MED14: variants seen among roughly 807,000 people sequenced by gnomAD.
The protein encoded by MED14 is mediator complex subunit 14, also known as mediator of RNA polymerase II transcription subunit 14.
In MED14, 8 loss-of-function variants were observed where a neutral mutation model predicts 109.0. The observed-to-expected ratio is 0.07, with a 90% CI of 0.04 to 0.13. The LOEUF (loss-of-function observed/expected upper bound fraction) is 0.13. Ranked by LOEUF, MED14 falls within the 10% of genes least tolerant of loss-of-function variation. The pLI, the probability that MED14 is intolerant of heterozygous loss-of-function variation, is 1.00. For synonymous variants in MED14, 399 were observed against 408.7 expected (o/e 0.98, Z 0.29); for missense variants, 711 against 1,142.4 (o/e 0.62, Z 5.44).
chrX:40,723,483 C>T (rs987945294), intron 3 of MED14, among the ~76,000 whole-genome samples: 2 of 108,820 alleles, frequency 1.8e-5, no homozygotes, highest in African/African-American at 3.3e-5. Flanking sequence ...CCGGCCAACA[C>T]GGCGAAACCC....
chrX:40,704,895 G>T (rs908893573), intron 10 of MED14, among the ~76,000 whole-genome samples: 2 of 110,988 alleles, frequency 1.8e-5, no homozygotes, highest in African/African-American at 3.3e-5. Flanking sequence ...TTTGGATTTC[G>T]GATTTTCAGA....
At chrX:40,664,185 G>T in intron 25 of MED14, 122 bp downstream of exon 25, 2 of 621,137 alleles carry the variant, frequency 3.2e-6, no homozygotes, top group Non-Finnish European at 4.8e-6. Flanking sequence ...TGCATCCTTT[G>T]TAATATCCTT....
At position 40,710,003 on chromosome X, in the gene MED14, G is replaced by T; in HGVS notation, c.1149C>A (p.Ser383=). 8.5e-7 allele frequency: 1 copy of T among 1,181,199 alleles called. No individual in the cohort carries two copies. The highest frequency in any genetic ancestry group is 1.1e-6 in the Non-Finnish European group (1 of 877,744). Residue 383 remains serine (S), a synonymous_variant, in exon 9 of 31, where the codon TCC becomes TCA. Coordinates refer to ENST00000324817, the MANE Select transcript of MED14 (RefSeq NM_004229.4). ...CCTTCATGGCTCTTTCTACTAATTTGGAATCAGAAGCTGGCAAAGGAGGAT... is the reference window on the plus strand; with the variant it reads ...CCTTCATGGCTCTTTCTACTAATTTTGAATCAGAAGCTGGCAAAGGAGGAT... ...FHDPPLPASD[S]KLVERAMKID... is the part of the protein sequence containing the mutation.
At chrX:40,721,700 C>T (rs778823522) in intron 3 of MED14, among the ~76,000 whole-genome samples, 1 of 112,417 alleles carries the variant, frequency 8.9e-6, no homozygotes, top group Non-Finnish European at 1.9e-5. Flanking sequence ...TTGGGCAAGA[C>T]CCAGTGCTGT....
At chrX:40,657,314 A>G (rs1264663341) in intron 28 of MED14, among the ~76,000 whole-genome samples, 1 of 111,993 alleles carries the variant, frequency 8.9e-6, no homozygotes, top group Non-Finnish European at 1.9e-5. Context: ...ACGTAATCAA[A>G]TTAAGAGGAG....
At chrX:40,675,051 T>C (rs997324737) in intron 22 of MED14, among the ~76,000 whole-genome samples, 170 bp downstream of exon 22, 5 of 112,716 alleles carry the variant, frequency 4.4e-5, no homozygotes, top group African/African-American at 1.6e-4. Context: ...ATTCATTTCT[T>C]GTCACTGGAA....
intron 26 of MED14, among the ~76,000 whole-genome samples, chrX:40,662,537 A>G (rs1647783030): frequency 9.0e-6 from 1 of 111,481 alleles, no homozygotes; most frequent in African/African-American, 3.3e-5. Flanking sequence ...TTTTATTTCA[A>G]TAAAGACTCA....
chrX:40,726,526 C>A, intron 3 of MED14: 1 of 309,567 alleles, frequency 3.2e-6, no homozygotes. Context: ...TTAAAGTCTC[C>A]TCACGTAATG....
At chrX:40,716,061 A>G (rs1213509281) in intron 3 of MED14, among the ~76,000 whole-genome samples, 1 of 111,545 alleles carries the variant, frequency 9.0e-6, no homozygotes, top group African/African-American at 3.3e-5. Context: ...TCTCAAAAGA[A>G]GACATACAAA....
chrX:40,685,843 G>A (rs1329848721), intron 16 of MED14, among the ~76,000 whole-genome samples: 1 of 112,142 alleles, frequency 8.9e-6, no homozygotes, highest in African/African-American at 3.2e-5. Flanking sequence ...AACAAGAACA[G>A]AATGTATTTT....
intron 23 of MED14, among the ~76,000 whole-genome samples, chrX:40,670,685 C>T (rs1187000814): frequency 9.2e-6 from 1 of 109,276 alleles, no homozygotes; most frequent in Non-Finnish European, 1.9e-5. Context: ...GGCGTGAACC[C>T]GGGAAGCGGA....
chrX:40,662,083 C>G (rs953057569), intron 26 of MED14, among the ~76,000 whole-genome samples: 3 of 111,048 alleles, frequency 2.7e-5, no homozygotes, highest in African/African-American at 9.8e-5. Flanking sequence ...CCAGGCTGGT[C>G]TTGAACTCCT....
At position 40,664,418 on chromosome X, in the gene MED14, G is replaced by C; in HGVS notation, c.3337C>G (p.Pro1113Ala). Residue 1113 changes from proline (P) to alanine (A), a missense_variant, in exon 25 of 31, where the codon CCT (proline) becomes GCT (alanine). This residue lies in a region of MED14 where 100 missense variants were observed against 147.5 expected (regional missense o/e 0.68). Transcript: ENST00000324817. Reference protein sequence around the residue: ...SGRAGNWPGSPQVSGPSPAAR... With the variant: ...SGRAGNWPGSAQVSGPSPAAR... ...GCTGGTGAGGGGCCAGACACTTGAGGAGATCCTGGCCAGTTCCCTGCTCGT... is the reference window on the plus strand; with the variant it reads ...GCTGGTGAGGGGCCAGACACTTGAGCAGATCCTGGCCAGTTCCCTGCTCGT... 8.3e-7 allele frequency: 1 copy of C among 1,198,393 alleles called. No homozygotes were observed.
rs188325860 is a variant in MED14 at position 40,663,021 on chromosome X, G to A, written c.3588C>T (p.Pro1196=). The A allele has an allele frequency of 2.4e-5, 29 of 1,208,899 alleles. No homozygotes were observed. The highest frequency in any genetic ancestry group is 1.5e-4 in the Admixed American group (7 of 45,848). Residue 1196 remains proline, a synonymous_variant, in exon 26 of 31, where the codon CCC becomes CCT. Coordinates refer to ENST00000324817, the MANE Select transcript of MED14 (RefSeq NM_004229.4). ...AACAAAGGTAACTACCTGCCAGGCCGGGCACAAGGCCTGGAGTTGGAGAGG... is the reference window on the plus strand; with the variant it reads ...AACAAAGGTAACTACCTGCCAGGCCAGGCACAAGGCCTGGAGTTGGAGAGG... ...LLPSPTPGLV[P]GLAGSYLCSP...
intron 12 of MED14, among the ~76,000 whole-genome samples, chrX:40,698,493 T>A (rs1930804054): frequency 8.9e-6 from 1 of 112,561 alleles, no homozygotes; most frequent in African/African-American, 3.2e-5. Flanking sequence ...ACAGTTTCTA[T>A]AATTTTCTTT....
At chrX:40,731,535 GAAC>G (rs1429557648) in intron 1 of MED14, among the ~76,000 whole-genome samples, 1 of 111,606 alleles carries the variant, frequency 9.0e-6, no homozygotes, top group Non-Finnish European at 1.9e-5. Context: ...TGTGTATCAA[GAAC>G]AAAAATAACT....
intron 22 of MED14, among the ~76,000 whole-genome samples, chrX:40,672,985 C>T (rs1323286277): frequency 8.9e-6 from 1 of 112,164 alleles, no homozygotes; most frequent in Admixed American, 9.4e-5. Context: ...AGCTTATGCA[C>T]TAAAACTGCA....
chrX:40,669,689 T>C (rs775770164), intron 23 of MED14, among the ~76,000 whole-genome samples: 1 of 111,883 alleles, frequency 8.9e-6, no homozygotes, highest in South Asian at 3.7e-4. Context: ...AAGGCCAAAA[T>C]TGTTAACAGC....
chrX:40,735,150 G>A, intron 1 of MED14, 48 bp downstream of exon 1: 1 of 954,730 alleles, frequency 1.0e-6, no homozygotes, highest in Non-Finnish European at 1.4e-6. Context: ...TCAGCCGGTT[G>A]GGCGGGAAGG....
Sources: allele counts gnomAD v4.1 joint callset (sites outside exome capture counted in the v4.1 genomes callset), GRCh38; gene constraint gnomAD v4.1.1; regional missense constraint gnomAD v4.1.1; transcripts MANE v1.5; gene names NCBI Gene and HGNC (gene_info 2026-07-23, HGNC 2026-07-21).